DLG2: variants seen among roughly 807,000 people sequenced by gnomAD.
DLG2 encodes the protein disks large homolog 2.
Under a neutral mutation model 132.5 loss-of-function variants are expected in DLG2, and 45 were observed. The ratio of observed to expected loss-of-function variants is 0.34; its 90% CI spans 0.27 to 0.44. The LOEUF (loss-of-function observed/expected upper bound fraction) is 0.44. Among genes scored for constraint, DLG2 ranks in the 20% least tolerant of loss-of-function variants. The pLI is 1.00. For synonymous variants in DLG2, 424 were observed against 419.6 expected (o/e 1.01, Z -0.13); for missense variants, 1,045 against 1,196.9 (o/e 0.87, Z 1.87).
At chr11:84,571,413 AG>A (rs1403380196) in intron 6 of DLG2, among the ~76,000 whole-genome samples, 1 of 151,576 alleles carries the variant, frequency 6.6e-6, no homozygotes, top group Non-Finnish European at 1.5e-5. Flanking sequence ...TGTATTCAGA[AG>A]ACACCTAAGT....
chr11:83,841,218 A>G (rs763498844), intron 16 of DLG2, among the ~76,000 whole-genome samples: 22 of 152,254 alleles, frequency 1.4e-4, no homozygotes, highest in Non-Finnish European at 2.4e-4. Context: ...TTCAGTCAAC[A>G]TCTGATGATT....
intron 3 of DLG2, among the ~76,000 whole-genome samples, chr11:85,598,098 G>C (rs2079908320): frequency 6.6e-6 from 1 of 151,748 alleles, no homozygotes; most frequent in African/African-American, 2.4e-5. Flanking sequence ...ACATTATATG[G>C]TTAGCTTCAT....
At chr11:84,004,879 C>T (rs781438394) in intron 11 of DLG2, among the ~76,000 whole-genome samples, 1 of 147,546 alleles carries the variant, frequency 6.8e-6, no homozygotes, top group Non-Finnish European at 1.5e-5. Context: ...AATGCAATCC[C>T]TATAAAAATA....
chr11:83,962,942 G>A lies in DLG2; in HGVS notation c.1283C>T (p.Ser428Phe). The A allele has an allele frequency of 6.2e-7, 1 of 1,613,316 alleles. No homozygotes were observed. The highest frequency in any genetic ancestry group is 8.5e-7 in the Non-Finnish European group (1 of 1,179,340). Residue 428 changes from serine to phenylalanine, a missense_variant, in exon 14 of 28, where the codon TCT (serine) becomes TTT (phenylalanine). Coordinates refer to ENST00000376104, the MANE Select transcript of DLG2 (RefSeq NM_001142699.3). ...TGGAATTGGTGAGTACCTTCCTGGA[G>A]AGATGGGTGGCAGGGAGGTTTTATA... ...LEYKTSLPPI[S>F]PGRYSPIPKH...
At chr11:84,599,116 A>T (rs2099570067) in intron 6 of DLG2, among the ~76,000 whole-genome samples, 1 of 152,084 alleles carries the variant, frequency 6.6e-6, no homozygotes, top group East Asian at 1.9e-4. Context: ...ATGATGGTGC[A>T]TGCCTGTAAT....
intron 3 of DLG2, among the ~76,000 whole-genome samples, chr11:85,566,324 T>C (rs2077523007): frequency 6.6e-6 from 1 of 152,266 alleles, no homozygotes; most frequent in African/African-American, 2.4e-5. Flanking sequence ...GAAGCACAAA[T>C]GGTGAAGTCC....
chr11:84,567,526 C>T (rs1361323094), intron 6 of DLG2, among the ~76,000 whole-genome samples: 3 of 152,114 alleles, frequency 2.0e-5, no homozygotes, highest in African/African-American at 4.8e-5. Flanking sequence ...CCTTTTCCAA[C>T]AATTAGGCTG....
chr11:83,848,716 G>C (rs933904297), intron 16 of DLG2, among the ~76,000 whole-genome samples: 2 of 152,100 alleles, frequency 1.3e-5, no homozygotes, highest in Non-Finnish European at 2.9e-5. Flanking sequence ...ATTAATTTGG[G>C]CTCCATGGAC....
At chr11:84,409,895 A>C (rs948259010) in intron 7 of DLG2, among the ~76,000 whole-genome samples, 1 of 152,236 alleles carries the variant, frequency 6.6e-6, no homozygotes, top group Non-Finnish European at 1.5e-5. Context: ...AGCACAGACC[A>C]TACAAGCAGC....
At chr11:85,549,951 A>T (rs1277749722) in intron 3 of DLG2, among the ~76,000 whole-genome samples, 1 of 152,206 alleles carries the variant, frequency 6.6e-6, no homozygotes. Context: ...CTCATGAATA[A>T]TCCATCCCTT....
chr11:84,419,184 T>C (rs868769934), intron 7 of DLG2, among the ~76,000 whole-genome samples: 7 of 151,864 alleles, frequency 4.6e-5, no homozygotes, highest in Non-Finnish European at 1.0e-4. Flanking sequence ...GAGAGAGAGA[T>C]ATTATATATT....
intron 19 of DLG2, among the ~76,000 whole-genome samples, chr11:83,584,091 T>C (rs1473290648): frequency 6.6e-6 from 1 of 152,222 alleles, no homozygotes; most frequent in East Asian, 1.9e-4. Flanking sequence ...AAGATACTTA[T>C]ATGTGCTTCT....
intron 17 of DLG2, among the ~76,000 whole-genome samples, chr11:83,826,504 G>A (rs1805651706): frequency 6.6e-6 from 1 of 152,194 alleles, no homozygotes; most frequent in African/African-American, 2.4e-5. Flanking sequence ...GAGTCAATGT[G>A]TCTAGATGCA....
intron 6 of DLG2, among the ~76,000 whole-genome samples, chr11:84,582,480 T>C (rs962483840): frequency 6.7e-6 from 1 of 148,574 alleles, no homozygotes; most frequent in Non-Finnish European, 1.5e-5. Flanking sequence ...TAAATACATA[T>C]ATAATAAACA....
At chr11:85,420,789 C>T (rs1011916495) in intron 3 of DLG2, among the ~76,000 whole-genome samples, 1 of 152,196 alleles carries the variant, frequency 6.6e-6, no homozygotes, top group Non-Finnish European at 1.5e-5. Context: ...CCTCCCCCCA[C>T]CAAGCTCGAG....
chr11:83,495,576 T>C (rs1012979450), intron 21 of DLG2, among the ~76,000 whole-genome samples: 3 of 152,182 alleles, frequency 2.0e-5, no homozygotes, highest in African/African-American at 7.2e-5. Context: ...ATTCTCTGTC[T>C]GCTGCTATTA....
intron 7 of DLG2, among the ~76,000 whole-genome samples, chr11:84,488,351 G>A (rs1215051474): frequency 6.6e-6 from 1 of 152,080 alleles, no homozygotes; most frequent in Non-Finnish European, 1.5e-5. Context: ...GGTAAGGATG[G>A]TAAGATGACC....
At chr11:84,494,883 T>C (rs1001657070) in intron 7 of DLG2, among the ~76,000 whole-genome samples, 2 of 152,150 alleles carry the variant, frequency 1.3e-5, no homozygotes, top group Admixed American at 1.3e-4. Flanking sequence ...CAGTTTCTCG[T>C]TTTAAAACCC....
intron 22 of DLG2, among the ~76,000 whole-genome samples, chr11:83,478,846 A>G (rs775580265): frequency 9.2e-5 from 14 of 152,008 alleles, no homozygotes; most frequent in Non-Finnish European, 1.8e-4. Flanking sequence ...TTTTCTACGT[A>G]CTAAATTGAG....
Sources: allele counts gnomAD v4.1 joint callset (sites outside exome capture counted in the v4.1 genomes callset), GRCh38; gene constraint gnomAD v4.1.1; transcripts MANE v1.5; gene names NCBI Gene and HGNC (gene_info 2026-07-23, HGNC 2026-07-21).